Variants in ABCC11 observed in about 807,000 individuals in gnomAD.
The protein encoded by ABCC11 is ATP binding cassette subfamily C member 11, also known as ATP-binding cassette sub-family C member 11.
A neutral mutation model predicts 149.3 loss-of-function variants in ABCC11; 135 were observed. The observed-to-expected ratio is 0.90, with a 90% CI of 0.79 to 1.04. The LOEUF (loss-of-function observed/expected upper bound fraction) is 1.04. Among genes scored for constraint, ABCC11 ranks in the 50% least tolerant of loss-of-function variants. ABCC11 has a pLI of 0.00. For missense variants in ABCC11, 1,680 were observed against 1,722.1 expected, an observed-to-expected ratio of 0.98 and a Z score of 0.43; for synonymous variants, 665 against 671.4, an observed-to-expected ratio of 0.99 and a Z score of 0.15.
rs563552525 is a variant in ABCC11 at position 48,193,030 on chromosome 16, T to C, written c.2509-313A>G. 6.6e-5 allele frequency among the ~76,000 whole-genome samples: 10 copies of C among 152,246 alleles called. No individual in the cohort carries two copies. The South Asian group carries it at 2.1e-3, about 32-fold the overall frequency. ...CCTCCCAGCATGGTTTCAGGTCAGA[T>C]TCTGCCAAGGAGAGGCACCCACAGG... is the stretch of plus-strand genomic sequence containing the variant. On this transcript the variant is annotated intron_variant, in intron 19 of 29. Coordinates refer to ENST00000356608, the MANE Select transcript of ABCC11 (RefSeq NM_001370497.1).
At chr16:48,204,889 G>A (rs1042108332) in intron 13 of ABCC11, among the ~76,000 whole-genome samples, 3 of 152,170 alleles carry the variant, frequency 2.0e-5, no homozygotes, top group Non-Finnish European at 4.4e-5. Flanking sequence ...AAGCCATAGA[G>A]GGAAAGGAGG....
In ABCC11 at chr16:48,205,511, C is replaced by G; in HGVS notation, c.1707G>C (p.Gly569=). 6.2e-7 allele frequency: 1 copy of G among 1,614,110 alleles called. No homozygotes were observed. The highest frequency in any genetic ancestry group is 8.5e-7 in the Non-Finnish European group (1 of 1,180,030). The change falls in exon 13 of 30, where the codon GGG becomes GGC. Residue 569 remains glycine (G), a synonymous_variant. Coordinates refer to ENST00000356608, the MANE Select transcript of ABCC11 (RefSeq NM_001370497.1). Reference sequence around the variant, plus strand: ...GGACATAGGCCAGGCTTCCCTGCACCCCCACCGAGCCCTCGAGCAAGTGCA... The same window carrying G: ...GGACATAGGCCAGGCTTCCCTGCACGCCCACCGAGCCCTCGAGCAAGTGCA... ...EEMHLLEGSV[G]VQGSLAYVPQ... is the part of the protein sequence containing the mutation.
chr16:48,228,674 G>T (rs1215161597), intron 3 of ABCC11, among the ~76,000 whole-genome samples: 1 of 152,156 alleles, frequency 6.6e-6, no homozygotes, highest in Non-Finnish European at 1.5e-5. Flanking sequence ...AAAACAGTAT[G>T]TACATTTATA....
chr16:48,244,710 G>C, intron 1 of ABCC11: 1 of 977,710 alleles, frequency 1.0e-6, no homozygotes, highest in South Asian at 2.7e-5. Flanking sequence ...TGAGCGCGAG[G>C]CTCAGTTCGG....
At chr16:48,198,995 T>C (rs886252915) in intron 15 of ABCC11, among the ~76,000 whole-genome samples, 4 of 151,630 alleles carry the variant, frequency 2.6e-5, no homozygotes, top group East Asian at 1.9e-4. Context: ...GATTGTACCA[T>C]TGCACTCCAG....
chr16:48,210,755 G>T (rs937510574), intron 11 of ABCC11, 193 bp downstream of exon 11: 3 of 830,674 alleles, frequency 3.6e-6, no homozygotes, highest in South Asian at 2.1e-5. Flanking sequence ...AATTTTAAAT[G>T]ATAGATTAAT....
chr16:48,192,433 TAAAAAATAAAAAAATA>T, intron 20 of ABCC11, 71 bp downstream of exon 20: 2 of 1,450,470 alleles, frequency 1.4e-6, no homozygotes, highest in Non-Finnish European at 1.9e-6. Flanking sequence ...TACAGAGCTC[TAAAAAATAAAAAAATA>T]AAAAAATAAA....
chr16:48,233,701 G>A (rs1359581718), intron 1 of ABCC11, among the ~76,000 whole-genome samples: 1 of 152,218 alleles, frequency 6.6e-6, no homozygotes, highest in Non-Finnish European at 1.5e-5. Flanking sequence ...AGAGCAAGGG[G>A]TGGAGGCAGC....
chr16:48,235,278 T>C (rs1970630679), intron 1 of ABCC11: 1 of 152,206 alleles, frequency 6.6e-6, no homozygotes, highest in Non-Finnish European at 1.5e-5. Flanking sequence ...ACCATTTCTT[T>C]CCTTGTTGGC....
intron 20 of ABCC11, among the ~76,000 whole-genome samples, chr16:48,187,802 G>A (rs1162193055): frequency 1.3e-5 from 2 of 152,130 alleles, no homozygotes; most frequent in Non-Finnish European, 2.9e-5. Flanking sequence ...AAAGCTATTA[G>A]AGAGAGAGAG....
chr16:48,173,286 A>G (rs929377625), intron 26 of ABCC11, among the ~76,000 whole-genome samples: 2 of 152,200 alleles, frequency 1.3e-5, no homozygotes, highest in African/African-American at 4.8e-5. Flanking sequence ...GGGGGGAAAT[A>G]TCACAAATTA....
At chr16:48,230,602 G>A (rs1970365037) in intron 2 of ABCC11, 29 bp from the exon 3 acceptor site, 3 of 1,529,732 alleles carry the variant, frequency 2.0e-6, no homozygotes, top group Non-Finnish European at 2.6e-6. Flanking sequence ...AAGAGCATCA[G>A]TTTCAAATCT....
At position 48,167,608 on chromosome 16, in the gene ABCC11, A is replaced by C; in HGVS notation, c.3944T>G (p.Leu1315Arg). 1 of 1,612,454 alleles carries C rather than the reference A, an allele frequency of 6.2e-7. No homozygotes were observed. Among genetic ancestry groups the C allele is most frequent in the Non-Finnish European group, 8.5e-7 (1 of 1,179,998 alleles). Residue 1315 changes from leucine (L) to arginine (R), a missense_variant, in exon 29 of 30, where the codon CTG becomes CGG. Transcript: ENST00000356608. Reference sequence around the variant, plus strand: ...GGCTTCACGGATTGTGCGCTGGATCAGGGTGTCTGTCTCCATGTCAATGGA... The same window carrying C: ...GGCTTCACGGATTGTGCGCTGGATCCGGGTGTCTGTCTCCATGTCAATGGA... The part of the protein sequence containing the change: ...TASIDMETDT[L>R]IQRTIREAFQ...
Position 48,175,309 on chromosome 16 carries a change from G to T in ABCC11, c.3647C>A (p.Ser1216Tyr). The change falls in exon 26 of 30, where the codon TCC becomes TAC. Residue 1216 changes from serine to tyrosine, a missense_variant. Coordinates refer to ENST00000356608, the MANE Select transcript of ABCC11 (RefSeq NM_001370497.1). ...ICSIGLEDLRSKLSVIPQDPV... is the reference protein window; with the variant it reads ...ICSIGLEDLRYKLSVIPQDPV... ...ATCTTGAGGGATCACTGAGAGCTTG[G>T]ACCGCAAGTCCTCCAGGCCGATGCT... 6.2e-7 allele frequency: 1 copy of T among 1,614,098 alleles called. No individual in the cohort carries two copies. Among genetic ancestry groups the T allele is most frequent in the South Asian group, 1.1e-5 (1 of 91,082 alleles).
intron 13 of ABCC11, among the ~76,000 whole-genome samples, chr16:48,204,641 G>A (rs983512250): frequency 1.3e-5 from 2 of 152,154 alleles, no homozygotes; most frequent in African/African-American, 4.8e-5. Flanking sequence ...ACATAATTGT[G>A]AGGTGTCCAC....
chr16:48,216,358 C>T (rs1393513909), intron 6 of ABCC11, 71 bp from the exon 7 acceptor site: 21 of 1,467,136 alleles, frequency 1.4e-5, no homozygotes, highest in Non-Finnish European at 1.9e-5. Context: ...CAGGTGGCCT[C>T]CCCATGCCCT....
At chr16:48,196,410 C>T (rs1967420639) in intron 17 of ABCC11, 89 bp from the exon 18 acceptor site, 2 of 1,287,948 alleles carry the variant, frequency 1.6e-6, no homozygotes, top group Non-Finnish European at 2.2e-6. Context: ...CCTGTGCCAG[C>T]TTTTCACTTT....
chr16:48,219,326 C>T (rs1163985427), intron 6 of ABCC11, among the ~76,000 whole-genome samples: 4 of 152,232 alleles, frequency 2.6e-5, no homozygotes, highest in African/African-American at 4.8e-5. Flanking sequence ...CACGCCACCA[C>T]GCCCAGCTAA....
chr16:48,211,822 T>C (rs1015752374), intron 10 of ABCC11, among the ~76,000 whole-genome samples: 4 of 152,202 alleles, frequency 2.6e-5, no homozygotes, highest in African/African-American at 9.7e-5. Context: ...CAGCTCCCTG[T>C]CTATAAAGCA....
Sources: allele counts gnomAD v4.1 joint callset (sites outside exome capture counted in the v4.1 genomes callset), GRCh38; gene constraint gnomAD v4.1.1; transcripts MANE v1.5; gene names NCBI Gene and HGNC (gene_info 2026-07-23, HGNC 2026-07-21).